Variants in MACROH2A2 observed in about 807,000 individuals in gnomAD.
MACROH2A2 encodes the protein macroH2A.2 histone.
In MACROH2A2, 6 loss-of-function variants were observed where a neutral mutation model predicts 37.6. The ratio of observed to expected loss-of-function variants is 0.16; its 90% CI spans 0.09 to 0.32. The LOEUF (loss-of-function observed/expected upper bound fraction) is 0.32. MACROH2A2 is among the 10% of genes least tolerant of loss of function. The pLI, the probability that MACROH2A2 is intolerant of heterozygous loss-of-function variation, is 1.00. For missense variants in MACROH2A2, 290 were observed against 485.9 expected, an observed-to-expected ratio of 0.60 and a Z score of 3.79; for synonymous variants, 192 against 202.7, an observed-to-expected ratio of 0.95 and a Z score of 0.45.
At chr10:70,081,230 A>G (rs1293815959) in intron 2 of MACROH2A2, among the ~76,000 whole-genome samples, 1 of 152,138 alleles carries the variant, frequency 6.6e-6, no homozygotes, top group Non-Finnish European at 1.5e-5. Flanking sequence ...AGGATTACAT[A>G]AAATAATGCA....
chr10:70,079,563 G>GTGCACA (rs2072161973), intron 2 of MACROH2A2, among the ~76,000 whole-genome samples: 1 of 63,178 alleles, frequency 1.6e-5, no homozygotes, highest in Non-Finnish European at 3.5e-5. Flanking sequence ...GCGCGCGCGC[G>GTGCACA]CGCACACACA....
intron 1 of MACROH2A2, among the ~76,000 whole-genome samples, chr10:70,062,584 G>T (rs1454529838): frequency 2.6e-5 from 4 of 152,188 alleles, no homozygotes; most frequent in Non-Finnish European, 1.5e-5. Flanking sequence ...TGAAGAGAAT[G>T]ATCTCGAAAG....
chr10:70,080,665 T>C (rs1318421049), intron 2 of MACROH2A2, among the ~76,000 whole-genome samples: 1 of 151,956 alleles, frequency 6.6e-6, no homozygotes, highest in African/African-American at 2.4e-5. Flanking sequence ...GTGGATCACC[T>C]GAGGTCAGGA....
chr10:70,092,215 C>CCCTT (rs900945453), intron 4 of MACROH2A2, among the ~76,000 whole-genome samples: 3 of 152,218 alleles, frequency 2.0e-5, no homozygotes, highest in Non-Finnish European at 4.4e-5. Context: ...AGGAAGTGAG[C>CCCTT]CCTTGCCAGA....
intron 2 of MACROH2A2, among the ~76,000 whole-genome samples, chr10:70,080,977 A>G (rs191097322): frequency 2.4e-4 from 33 of 137,036 alleles, no homozygotes; most frequent in Non-Finnish European, 4.0e-4. Flanking sequence ...ATGTGGGAGG[A>G]TTCCTTGAGC....
intron 1 of MACROH2A2, among the ~76,000 whole-genome samples, chr10:70,074,900 G>A (rs1161035505): frequency 1.3e-5 from 2 of 152,098 alleles, no homozygotes; most frequent in African/African-American, 2.4e-5. Context: ...CCATTATAAT[G>A]GGCAAAGTCA....
At chr10:70,067,276 T>C (rs1017485661) in intron 1 of MACROH2A2, among the ~76,000 whole-genome samples, 1 of 152,212 alleles carries the variant, frequency 6.6e-6, no homozygotes, top group Non-Finnish European at 1.5e-5. Flanking sequence ...CTACCCCACA[T>C]ATTGAGAATC....
At chr10:70,089,371 T>C (rs1053197916) in intron 2 of MACROH2A2, among the ~76,000 whole-genome samples, 9 of 152,216 alleles carry the variant, frequency 5.9e-5, no homozygotes, top group Admixed American at 2.0e-4. Flanking sequence ...GTGCTCTTGC[T>C]CTAGCATGCA....
At chr10:70,090,430 A>G (rs2072237591) in intron 3 of MACROH2A2, among the ~76,000 whole-genome samples, 2 of 152,198 alleles carry the variant, frequency 1.3e-5, no homozygotes, top group Non-Finnish European at 2.9e-5. Flanking sequence ...TGTGTTGCTG[A>G]GGAAGGTGTG....
intron 7 of MACROH2A2, 114 bp from the exon 8 acceptor site, chr10:70,108,919 C>T: frequency 1.1e-6 from 1 of 909,410 alleles, no homozygotes; most frequent in Non-Finnish European, 1.8e-6. Context: ...TGCTGCCCAG[C>T]CAACGTCTCT....
intron 1 of MACROH2A2, among the ~76,000 whole-genome samples, chr10:70,068,810 G>A (rs2072092823): frequency 6.6e-6 from 1 of 152,200 alleles, no homozygotes; most frequent in Non-Finnish European, 1.5e-5. Context: ...GTACCCTGGT[G>A]CACAGTTTGG....
At position 70,111,906 on chromosome 10, in the gene MACROH2A2, C is replaced by CTGTT; in HGVS notation, c.*224_*227dup. ...GGGTTTCTTTCCATGTGTTTTCCTC[C>CTGTT]TGTTGTTTTAGAACTTTTTTAAAAA... On this transcript the variant is annotated 3_prime_UTR_variant, in exon 9 of 9. Coordinates refer to ENST00000373255, the MANE Select transcript of MACROH2A2 (RefSeq NM_018649.3). The CTGTT allele has an allele frequency of 2.7e-6, 1 of 374,272 alleles. No individual in the cohort carries two copies. Among genetic ancestry groups the CTGTT allele is most frequent in the Non-Finnish European group, 4.7e-6 (1 of 210,906 alleles). The allele number at this position is 374,272 out of a possible 1,614,324, so 23.2% of individuals were successfully genotyped here.
intron 2 of MACROH2A2, among the ~76,000 whole-genome samples, chr10:70,078,374 G>A (rs925433624): frequency 1.3e-5 from 2 of 152,210 alleles, no homozygotes; most frequent in African/African-American, 4.8e-5. Flanking sequence ...ACCATCCTGG[G>A]CCACGTGGAG....
intron 7 of MACROH2A2, among the ~76,000 whole-genome samples, chr10:70,105,780 A>G (rs375987081): frequency 4.7e-4 from 72 of 152,262 alleles, no homozygotes; most frequent in African/African-American, 1.4e-3. Flanking sequence ...TGGGCCTGAA[A>G]TGAGACAAGG....
In MACROH2A2 at chr10:70,094,687, C is replaced by T. The variant is rs561981905; in HGVS notation, c.588+842C>T. On this transcript the variant is annotated intron_variant, in intron 5 of 8. Transcript: ENST00000373255. ...CTCTGGCCTGTTCACTGTTACATGA[C>T]GATTAGCTTTCTCTCACTTAGCTAA... Among the ~76,000 whole-genome samples, 13 of 152,278 alleles carry T rather than the reference C, an allele frequency of 8.5e-5. No individual in the cohort carries two copies. In the East Asian group the frequency reaches 1.5e-3, roughly 18 times the overall value.
At chr10:70,111,035 G>A (rs575713937) in intron 8 of MACROH2A2, among the ~76,000 whole-genome samples, 20 of 152,280 alleles carry the variant, frequency 1.3e-4, no homozygotes, top group South Asian at 4.1e-4. Flanking sequence ...TTGGGAGGCC[G>A]AGGCAGGCGG....
intron 1 of MACROH2A2, among the ~76,000 whole-genome samples, chr10:70,060,976 TAA>T (rs531093214): frequency 1.3e-4 from 17 of 128,978 alleles, no homozygotes; most frequent in Non-Finnish European, 1.7e-4. Flanking sequence ...AGACTCTGTC[TAA>T]AAAAAAAAAA....
intron 1 of MACROH2A2, among the ~76,000 whole-genome samples, chr10:70,064,936 A>G (rs2072070608): frequency 6.6e-6 from 1 of 152,194 alleles, no homozygotes; most frequent in Non-Finnish European, 1.5e-5. Flanking sequence ...GGAGATCCCA[A>G]ACAGGAAGCA....
rs541633939 is a variant in MACROH2A2 at position 70,095,749 on chromosome 10, T to C, written c.684T>C (p.Asp228=). The C allele has an allele frequency of 6.6e-7, 1 of 1,508,986 alleles. No homozygotes were observed. Among genetic ancestry groups the C allele is most frequent in the Non-Finnish European group, 9.2e-7 (1 of 1,084,032 alleles). 93.5% of individuals were successfully genotyped at this position (1,508,986 alleles called of 1,614,324 possible). A position where few individuals can be genotyped will look rare whatever the true frequency, so the allele number is the denominator to read the frequency against. Residue 228 remains aspartate (D), a synonymous_variant, in exon 6 of 9, where the codon GAT becomes GAC. Transcript: ENST00000373255. ...PTTAEIDLKE[D]IGKALEKAGG... ...CAGCCGAAATTGACCTCAAAGAAGA[T>C]ATAGGTAAGGTCCTGAGACTTCAGT...
Sources: allele counts gnomAD v4.1 joint callset (sites outside exome capture counted in the v4.1 genomes callset), GRCh38; gene constraint gnomAD v4.1.1; transcripts MANE v1.5; gene names NCBI Gene and HGNC (gene_info 2026-07-23, HGNC 2026-07-21).